TMEM184B: variants seen among roughly 807,000 people sequenced by gnomAD.
TMEM184B encodes transmembrane protein 184B.
Under a neutral mutation model 41.8 loss-of-function variants are expected in TMEM184B, and 17 were observed. That is an observed-to-expected ratio of 0.41 (90% CI 0.28 to 0.61). The LOEUF (loss-of-function observed/expected upper bound fraction) is 0.61, where lower values mean the gene tolerates loss of function less well. TMEM184B is among the 20% of genes least tolerant of loss of function. The probability of loss-of-function intolerance (pLI) is 0.34; values close to 1 mark genes in which losing one functional copy is unlikely to be tolerated. For synonymous variants in TMEM184B, 240 were observed against 229.5 expected, an observed-to-expected ratio of 1.05 and a Z score of -0.41; for missense variants, 393 against 557.8, an observed-to-expected ratio of 0.70 and a Z score of 2.98.
intron 2 of TMEM184B, 49 bp downstream of exon 2, chr22:38,247,721 C>A: frequency 6.4e-7 from 1 of 1,564,874 alleles, no homozygotes; most frequent in African/African-American, 1.3e-5. Context: ...TCTGTTCAGC[C>A]AGGAACCTTT....
intron 1 of TMEM184B, chr22:38,272,675 T>A: frequency 1.0e-6 from 1 of 985,420 alleles, no homozygotes; most frequent in Non-Finnish European, 1.2e-6. Context: ...ACGGGCGACC[T>A]CGCGGGGCGG....
At chr22:38,270,467 TG>T (rs1182600174) in intron 1 of TMEM184B, among the ~76,000 whole-genome samples, 3 of 152,244 alleles carry the variant, frequency 2.0e-5, no homozygotes, top group Non-Finnish European at 4.4e-5. Flanking sequence ...TATTGTCCTC[TG>T]GGCCCCTTTA....
At chr22:38,258,924 T>C (rs1008741411) in intron 1 of TMEM184B, among the ~76,000 whole-genome samples, 4 of 152,086 alleles carry the variant, frequency 2.6e-5, no homozygotes, top group Non-Finnish European at 5.9e-5. Context: ...AGACATCCAG[T>C]GTCGTTTATT....
chr22:38,237,179 G>T (rs573917737), intron 3 of TMEM184B, among the ~76,000 whole-genome samples: 1 of 152,042 alleles, frequency 6.6e-6, no homozygotes, highest in South Asian at 2.1e-4. Flanking sequence ...CCCCCGCAAC[G>T]GCCACCCTCA....
At chr22:38,230,835 C>T (rs1224465287) in intron 4 of TMEM184B, 91 bp from the exon 5 acceptor site, 1 of 1,234,944 alleles carries the variant, frequency 8.1e-7, no homozygotes, top group African/African-American at 1.5e-5. Flanking sequence ...TCCCACCCAT[C>T]CAGACGAGCT....
intron 1 of TMEM184B, among the ~76,000 whole-genome samples, chr22:38,265,121 T>C (rs1044465747): frequency 2.0e-5 from 3 of 152,190 alleles, no homozygotes; most frequent in East Asian, 1.9e-4. Flanking sequence ...GGACCCCACA[T>C]GCTCTGGGAA....
Position 38,231,258 on chromosome 22 carries a change from T to C in TMEM184B, c.435A>G (p.Arg145=), listed in dbSNP as rs1244853938. ...TCCATACTCACTCAATGGGTTTTCC[T>C]CTGATCTCCGACATGATGGAACTTT... ...GGESSIMSEI[R]GKPIESSCMY... is the part of the protein sequence containing the mutation. Residue 145 remains arginine (R), a synonymous_variant, in exon 4 of 9, where the codon AGA becomes AGG. Transcript: ENST00000361906. 1.9e-6 allele frequency: 3 copies of C among 1,613,978 alleles called. No individual in the cohort carries two copies. The African/African-American group carries it at 4.0e-5, about 22-fold the overall frequency.
rs1318127374 is a variant in TMEM184B at position 38,221,496 on chromosome 22, G to A, written c.1197C>T (p.Leu399=). Residue 399 remains leucine, a synonymous_variant, in exon 9 of 9, where the codon CTC becomes CTT. Transcript: ENST00000361906. ...AGAATTCATCATCAGAGCTGAGCAG[G>A]AGAGTCTTCTCGTTGTCGCGGGCGC... ...LSGARDNEKT[L]LLSSDDEF The A allele has an allele frequency of 6.2e-7, 1 of 1,612,846 alleles. No individual in the cohort carries two copies. Among genetic ancestry groups the A allele is most frequent in the Non-Finnish European group, 8.5e-7 (1 of 1,179,690 alleles).
chr22:38,243,042 C>T lies in TMEM184B; in HGVS notation c.358+2893G>A, dbSNP rs1324179355. On this transcript the variant is annotated intron_variant, in intron 3 of 8. Transcript: ENST00000361906. ...GCCCCACTGCACTCCAGCCTGGCAA[C>T]GGTCTCAAAAAAAAAAAAAAAAAAA... 6.3e-5 allele frequency among the ~76,000 whole-genome samples: 7 copies of T among 111,672 alleles called. No individual in the cohort carries two copies. In the East Asian group the frequency reaches 1.2e-3, roughly 20 times the overall value. The allele number at this position is 111,672 out of a possible 152,430, so 73.3% of individuals were successfully genotyped here. A position where few individuals can be genotyped will look rare whatever the true frequency, so the allele number is the denominator to read the frequency against.
chr22:38,249,797 G>T lies in TMEM184B; in HGVS notation c.-58-1778C>A, dbSNP rs1056753226. On this transcript the variant is annotated intron_variant, in intron 1 of 8. Coordinates refer to ENST00000361906, the MANE Select transcript of TMEM184B (RefSeq NM_012264.5). ...CCCTCTACCCAAGCCCTGATGGGGC[G>T]GCCCTTTCAGTACAGCCACCTGCTG... 2.0e-5 allele frequency among the ~76,000 whole-genome samples: 3 copies of T among 152,236 alleles called. No homozygotes were observed. The South Asian group carries it at 6.2e-4, about 32-fold the overall frequency.
At chr22:38,218,949 C>T (rs984882349), downstream of TMEM184B, among the ~76,000 whole-genome samples, 2 of 152,150 alleles carry the variant, frequency 1.3e-5, no homozygotes, top group African/African-American at 4.8e-5. Context: ...GCAGGAAGCT[C>T]GTCTGAAAGG....
At chr22:38,262,912 T>G (rs2092391987) in intron 1 of TMEM184B, among the ~76,000 whole-genome samples, 1 of 152,144 alleles carries the variant, frequency 6.6e-6, no homozygotes, top group Admixed American at 6.5e-5. Flanking sequence ...TTATTTTATT[T>G]TATTATTTGA....
At chr22:38,248,208 G>A (rs1211184709) in intron 1 of TMEM184B, among the ~76,000 whole-genome samples, 189 bp from the exon 2 acceptor site, 1 of 152,094 alleles carries the variant, frequency 6.6e-6, no homozygotes, top group Admixed American at 6.5e-5. Context: ...TTCTGCCCCT[G>A]CCTCTAATGA....
At chr22:38,233,798 C>G (rs1291875210) in intron 3 of TMEM184B, among the ~76,000 whole-genome samples, 1 of 151,970 alleles carries the variant, frequency 6.6e-6, no homozygotes, top group African/African-American at 2.4e-5. Flanking sequence ...GAGACAGAGT[C>G]TCGCTCTATC....
chr22:38,222,804 G>T, intron 8 of TMEM184B: 2 of 753,224 alleles, frequency 2.7e-6, no homozygotes, highest in Non-Finnish European at 1.6e-6. Flanking sequence ...CACACACCCT[G>T]TCCCCACCCC....
chr22:38,272,472 C>G (rs764751026), intron 1 of TMEM184B: 421 of 985,624 alleles, frequency 4.3e-4, no homozygotes, highest in Admixed American at 1.4e-3. Context: ...GCCACCCGCA[C>G]AGGGCACGGA....
intron 1 of TMEM184B, among the ~76,000 whole-genome samples, chr22:38,271,435 A>C (rs2092520941): frequency 6.6e-6 from 1 of 152,214 alleles, no homozygotes; most frequent in Non-Finnish European, 1.5e-5. Context: ...AAATAGGGAC[A>C]ACTGTTCCTT....
chr22:38,229,714 A>G (rs1362682029), intron 5 of TMEM184B, among the ~76,000 whole-genome samples: 2 of 78,640 alleles, frequency 2.5e-5, no homozygotes, highest in Admixed American at 2.2e-4. Flanking sequence ...CAGCCCAGGA[A>G]GCTAGAGCGG....
chr22:38,227,245 A>T (rs1602375665), intron 5 of TMEM184B, among the ~76,000 whole-genome samples: 2 of 152,182 alleles, frequency 1.3e-5, no homozygotes, highest in South Asian at 4.2e-4. Context: ...GAGACAGGAG[A>T]TGCACACAAG....
Sources: allele counts gnomAD v4.1 joint callset (sites outside exome capture counted in the v4.1 genomes callset), GRCh38; gene constraint gnomAD v4.1.1; transcripts MANE v1.5; gene names NCBI Gene and HGNC (gene_info 2026-07-23, HGNC 2026-07-21).